Variants in STPG1 observed in about 807,000 individuals in gnomAD.
The protein encoded by STPG1 is O(6)-methylguanine-induced apoptosis 2.
Under a neutral mutation model 40.1 loss-of-function variants are expected in STPG1, and 33 were observed. That is an observed-to-expected ratio of 0.82 (90% CI 0.62 to 1.10). The LOEUF (loss-of-function observed/expected upper bound fraction) is 1.10, where lower values mean the gene tolerates loss of function less well. Among genes scored for constraint, STPG1 ranks in the 50% least tolerant of loss-of-function variants. The pLI, the probability that STPG1 is intolerant of heterozygous loss-of-function variation, is 0.00. For synonymous variants in STPG1, 150 were observed against 155.0 expected (o/e 0.97, Z 0.24); for missense variants, 396 against 415.1 (o/e 0.95, Z 0.40).
In STPG1 at chr1:24,358,123, A is replaced by C; in HGVS notation, c.*420T>G. On this transcript the variant is annotated 3_prime_UTR_variant, in exon 9 of 9. Coordinates refer to ENST00000337248, the MANE Select transcript of STPG1 (RefSeq NM_001199013.2). ...GAGGGAATGAATGAATGTGTAAATG[A>C]ATGAAGGAATGAAACAGGGAAGGGT... 2.3e-6 allele frequency: 1 copy of C among 436,764 alleles called. No individual in the cohort carries two copies. Among genetic ancestry groups the C allele is most frequent in the Non-Finnish European group, 4.6e-6 (1 of 218,074 alleles). The allele number at this position is 436,764 out of a possible 1,614,324, so 27.1% of individuals were successfully genotyped here. A position where few individuals can be genotyped will look rare whatever the true frequency, so the allele number is the denominator to read the frequency against.
chr1:24,392,983 C>G (rs1469946587), intron 2 of STPG1, among the ~76,000 whole-genome samples: 5 of 152,186 alleles, frequency 3.3e-5, no homozygotes, highest in Admixed American at 6.5e-5. Context: ...AACAATACTC[C>G]TTTTCAGAGC....
intron 1 of STPG1, among the ~76,000 whole-genome samples, chr1:24,409,320 A>T (rs1643525640): frequency 6.6e-6 from 1 of 152,190 alleles, no homozygotes; most frequent in Non-Finnish European, 1.5e-5. Flanking sequence ...TGTTCGTGCC[A>T]CTGTTCTTCA....
Position 24,391,582 on chromosome 1 carries a change from G to A in STPG1, c.168C>T (p.Ala56=), listed in dbSNP as rs1326996938. 6.5e-7 allele frequency: 1 copy of A among 1,538,252 alleles called. No individual in the cohort carries two copies. ...ESEKKGFNSQ[A]KRFPHKKNDI... is the part of the protein sequence containing the mutation. Reference sequence around the variant, plus strand: ...TTACCTTCTTATGAGGAAATCTCTTGGCTTGACTATTGAATCCTTTTTTTT... The same window carrying A: ...TTACCTTCTTATGAGGAAATCTCTTAGCTTGACTATTGAATCCTTTTTTTT... The change falls in exon 3 of 9, where the codon GCC becomes GCT. Residue 56 remains alanine (A), a synonymous_variant. Transcript: ENST00000337248.
In STPG1 at chr1:24,373,701, C is replaced by T; in HGVS notation, c.571+1G>A. ...AAGGCCAGTGCAAAGCAGCTGCTTA[C>T]CTGGGGGAGGTCCTTTATCAGCAAA... On this transcript the variant is annotated splice_donor_variant, in intron 6 of 8. Transcript: ENST00000337248. LOFTEE classifies it high-confidence loss of function. The T allele has an allele frequency of 6.2e-7, 1 of 1,605,154 alleles. No individual in the cohort carries two copies. The highest frequency in any genetic ancestry group is 1.1e-5 in the South Asian group (1 of 90,890).
intron 1 of STPG1, among the ~76,000 whole-genome samples, chr1:24,405,091 G>A (rs60778179): frequency 0.057 from 8,626 of 152,196 alleles, 781 homozygotes; most frequent in African/African-American, 0.19. Context: ...CCCAGTAGCT[G>A]GGATTACAGG....
chr1:24,412,480 T>C, intron 1 of STPG1, among the ~76,000 whole-genome samples: 1 of 150,140 alleles, frequency 6.7e-6, no homozygotes, highest in South Asian at 2.1e-4. Flanking sequence ...AACATTATAT[T>C]GTATGTTTAT....
chr1:24,398,025 CGTT>C (rs1227920504), intron 2 of STPG1, among the ~76,000 whole-genome samples: 1 of 152,166 alleles, frequency 6.6e-6, no homozygotes, highest in African/African-American at 2.4e-5. Context: ...TTTTCATAGT[CGTT>C]GTACTTTTGC....
At chr1:24,364,918 T>G (rs1026643890) in intron 7 of STPG1, among the ~76,000 whole-genome samples, 3 of 152,158 alleles carry the variant, frequency 2.0e-5, no homozygotes, top group African/African-American at 7.2e-5. Context: ...ATAATGAATG[T>G]CTTAGAGGAC....
chr1:24,389,466 T>G (rs1216623099), intron 3 of STPG1, among the ~76,000 whole-genome samples: 4 of 152,180 alleles, frequency 2.6e-5, no homozygotes, highest in African/African-American at 9.7e-5. Flanking sequence ...GGTCTAATTC[T>G]TTCAACATTG....
At chr1:24,373,327 G>A (rs189044814) in intron 6 of STPG1, among the ~76,000 whole-genome samples, 8 of 152,324 alleles carry the variant, frequency 5.3e-5, no homozygotes, top group African/African-American at 1.9e-4. Flanking sequence ...TGAAGGAACA[G>A]GATGTATGGT....
intron 4 of STPG1, among the ~76,000 whole-genome samples, chr1:24,381,194 G>A (rs559694958): frequency 6.6e-6 from 1 of 152,280 alleles, no homozygotes; most frequent in East Asian, 1.9e-4. Flanking sequence ...AGGGTTGAGC[G>A]ACATGGCTCT....
chr1:24,367,276 A>G (rs1641519143), intron 7 of STPG1, among the ~76,000 whole-genome samples: 2 of 152,212 alleles, frequency 1.3e-5, no homozygotes, highest in Non-Finnish European at 2.9e-5. Flanking sequence ...ACGCCATAAA[A>G]TAAGAACGAT....
chr1:24,378,463 A>G (rs1642129926), intron 5 of STPG1, among the ~76,000 whole-genome samples: 1 of 152,136 alleles, frequency 6.6e-6, no homozygotes, highest in Non-Finnish European at 1.5e-5. Context: ...GTGAAACCCC[A>G]TCTCTACTAA....
At chr1:24,370,308 A>C (rs1393641534) in intron 6 of STPG1, among the ~76,000 whole-genome samples, 1 of 147,618 alleles carries the variant, frequency 6.8e-6, no homozygotes, top group Non-Finnish European at 1.5e-5. Flanking sequence ...TCATGCAATC[A>C]ACAACTATCT....
At chr1:24,401,175 G>A (rs1643208640) in intron 2 of STPG1, 144 bp downstream of exon 2, 2 of 557,484 alleles carry the variant, frequency 3.6e-6, no homozygotes, top group Non-Finnish European at 6.4e-6. Flanking sequence ...TGAAACAGTA[G>A]GGCCTAAAGC....
chr1:24,400,846 C>T (rs1457956002), intron 2 of STPG1, among the ~76,000 whole-genome samples: 2 of 152,192 alleles, frequency 1.3e-5, no homozygotes, highest in Non-Finnish European at 2.9e-5. Context: ...CCCACCCCAA[C>T]CCAGCCTCCT....
intron 7 of STPG1, among the ~76,000 whole-genome samples, chr1:24,364,878 C>T (rs1329672162): frequency 6.6e-6 from 1 of 152,178 alleles, no homozygotes; most frequent in Non-Finnish European, 1.5e-5. Flanking sequence ...TTGCAGCTTC[C>T]AATGTGAGCT....
intron 7 of STPG1, among the ~76,000 whole-genome samples, chr1:24,362,373 C>T (rs1210605763): frequency 6.6e-6 from 1 of 152,192 alleles, no homozygotes; most frequent in Non-Finnish European, 1.5e-5. Context: ...ATGGAGAAAG[C>T]ATGATGGCGG....
chr1:24,372,273 G>A (rs781322575), intron 6 of STPG1, among the ~76,000 whole-genome samples: 3 of 152,206 alleles, frequency 2.0e-5, no homozygotes, highest in Non-Finnish European at 2.9e-5. Context: ...CCTGTGAAGT[G>A]GGGATAAAAG....
Sources: gnomAD v4.1 joint callset for allele counts (sites outside exome capture counted in the v4.1 genomes callset) on GRCh38, gnomAD v4.1.1 for gene constraint, MANE v1.5 for transcripts, NCBI Gene and HGNC (gene_info 2026-07-23, HGNC 2026-07-21) for gene names.